GMDS: variants seen among roughly 807,000 people sequenced by gnomAD.
GMDS encodes GDP-mannose 4,6 dehydratase.
In GMDS, 20 loss-of-function variants were observed where a neutral mutation model predicts 49.9. The ratio of observed to expected loss-of-function variants is 0.40; its 90% confidence interval spans 0.28 to 0.58. The LOEUF is 0.58. Ranked by LOEUF, GMDS falls within the 20% of genes least tolerant of loss-of-function variation. GMDS has a pLI of 0.42. For synonymous variants in GMDS, 177 were observed against 178.6 expected, an observed-to-expected ratio of 0.99 and a Z score of 0.07; for missense variants, 362 against 481.4, an observed-to-expected ratio of 0.75 and a Z score of 2.32.
chr6:1,945,307 T>C (rs1757684563), intron 6 of GMDS, among the ~76,000 whole-genome samples: 1 of 152,006 alleles, frequency 6.6e-6, no homozygotes, highest in African/African-American at 2.4e-5. Flanking sequence ...TGAATGGGCA[T>C]GCAGGAGGCA....
intron 4 of GMDS, among the ~76,000 whole-genome samples, chr6:2,084,668 G>T (rs7768100): frequency 2.0e-5 from 3 of 151,706 alleles, no homozygotes; most frequent in Admixed American, 6.6e-5. Flanking sequence ...CACCACGCCC[G>T]GCTAATTTTT....
At chr6:1,673,076 C>T (rs1764479703) in intron 9 of GMDS, among the ~76,000 whole-genome samples, 1 of 152,232 alleles carries the variant, frequency 6.6e-6, no homozygotes, top group African/African-American at 2.4e-5. Flanking sequence ...GCAGGCCCAC[C>T]AGTGGCTTGA....
chr6:1,862,330 A>G (rs1012292851), intron 7 of GMDS, among the ~76,000 whole-genome samples: 1 of 152,236 alleles, frequency 6.6e-6, no homozygotes, highest in Non-Finnish European at 1.5e-5. Context: ...CTCCCTTTAC[A>G]TCAATACACC....
chr6:1,808,401 C>T (rs1446317300), intron 7 of GMDS, among the ~76,000 whole-genome samples: 1 of 152,184 alleles, frequency 6.6e-6, no homozygotes, highest in African/African-American at 2.4e-5. Context: ...TGAAGTCTTA[C>T]TTGTCCACCT....
chr6:2,147,417 A>G (rs1332512432), intron 1 of GMDS, among the ~76,000 whole-genome samples: 1 of 152,202 alleles, frequency 6.6e-6, no homozygotes, highest in Non-Finnish European at 1.5e-5. Context: ...TTGCTAGCCC[A>G]GAAGAGATGC....
intron 4 of GMDS, among the ~76,000 whole-genome samples, chr6:2,030,075 C>A (rs186048398): frequency 1.4e-5 from 2 of 147,248 alleles, no homozygotes; most frequent in Admixed American, 1.3e-4. Context: ...AGGAGGGAAG[C>A]GGGTGCCCAC....
intron 1 of GMDS, among the ~76,000 whole-genome samples, chr6:2,201,490 G>A (rs1779530672): frequency 8.2e-6 from 1 of 122,012 alleles, no homozygotes; most frequent in Non-Finnish European, 1.7e-5. Flanking sequence ...GGCAGTGAGG[G>A]CAGCATGTTA....
chr6:1,788,048 C>T (rs955524329), intron 7 of GMDS, among the ~76,000 whole-genome samples: 2 of 152,186 alleles, frequency 1.3e-5, no homozygotes, highest in African/African-American at 4.8e-5. Flanking sequence ...TGCTCTCAGT[C>T]GCCCAGATGT....
At chr6:1,930,360 A>G (rs1460318246) in intron 6 of GMDS, 130 bp from the exon 7 acceptor site, 8 of 624,582 alleles carry the variant, frequency 1.3e-5, no homozygotes, top group African/African-American at 3.7e-5. Flanking sequence ...TGTTAAAACA[A>G]TAAAAGAAAA....
In GMDS at chr6:1,820,807, T is replaced by C. The variant is rs563100226; in HGVS notation, c.772-78221A>G. Among the ~76,000 whole-genome samples the C allele has an allele frequency of 1.6e-4, 25 of 152,344 alleles. No individual in the cohort carries two copies. In the East Asian group the frequency reaches 4.2e-3, roughly 26 times the overall value. ...AAGCCTGCTGCTTTTTAAACAATGA[T>C]GCATTCCCCTAAATTCATATTTTAA... is the stretch of plus-strand genomic sequence containing the variant. On this transcript the variant is annotated intron_variant, in intron 7 of 10. Coordinates refer to ENST00000380815, the MANE Select transcript of GMDS (RefSeq NM_001500.4).
chr6:1,824,649 A>G (rs1771035409), intron 7 of GMDS, among the ~76,000 whole-genome samples: 1 of 152,088 alleles, frequency 6.6e-6, no homozygotes, highest in Middle Eastern at 3.2e-3. Flanking sequence ...ACTAACATGA[A>G]CTACTCAAGT....
At chr6:1,787,797 A>G (rs1207643883) in intron 7 of GMDS, among the ~76,000 whole-genome samples, 1 of 152,222 alleles carries the variant, frequency 6.6e-6, no homozygotes, top group Admixed American at 6.5e-5. Flanking sequence ...TTTGTTTGGA[A>G]TATTTTTTGT....
chr6:2,017,573 T>G (rs1480319652), intron 4 of GMDS, among the ~76,000 whole-genome samples: 1 of 152,180 alleles, frequency 6.6e-6, no homozygotes. Flanking sequence ...TCTCCCAAAG[T>G]GCTGGAATTA....
At chr6:1,990,536 C>T (rs1345207443) in intron 4 of GMDS, among the ~76,000 whole-genome samples, 1 of 152,170 alleles carries the variant, frequency 6.6e-6, no homozygotes, top group African/African-American at 2.4e-5. Flanking sequence ...CATAGTGGAA[C>T]ATACCCCCTG....
chr6:1,666,534 T>C (rs994667245), intron 9 of GMDS, among the ~76,000 whole-genome samples: 2 of 152,214 alleles, frequency 1.3e-5, no homozygotes, highest in Non-Finnish European at 2.9e-5. Context: ...ATACACTCAA[T>C]GATCCAAAGG....
intron 7 of GMDS, among the ~76,000 whole-genome samples, chr6:1,785,932 A>C (rs974234650): frequency 6.6e-6 from 1 of 152,240 alleles, no homozygotes; most frequent in African/African-American, 2.4e-5. Flanking sequence ...ATTCCAATGC[A>C]AGTGCTGATG....
intron 4 of GMDS, among the ~76,000 whole-genome samples, chr6:2,113,925 TA>T: frequency 6.6e-6 from 1 of 151,914 alleles, no homozygotes. Flanking sequence ...CAAAATACCA[TA>T]AAAAAAGATA....
intron 6 of GMDS, among the ~76,000 whole-genome samples, chr6:1,945,941 A>G (rs1041096205): frequency 6.6e-6 from 1 of 152,216 alleles, no homozygotes; most frequent in African/African-American, 2.4e-5. Context: ...TCTATAAACT[A>G]AACACCATGA....
chr6:1,829,914 T>C (rs1478444820), intron 7 of GMDS, among the ~76,000 whole-genome samples: 1 of 152,192 alleles, frequency 6.6e-6, no homozygotes, highest in Admixed American at 6.5e-5. Flanking sequence ...GCCTCTTGCC[T>C]CAGCCTAATT....
Sources: gnomAD v4.1 joint callset for allele counts (sites outside exome capture counted in the v4.1 genomes callset) on GRCh38, gnomAD v4.1.1 for gene constraint, MANE v1.5 for transcripts, NCBI Gene and HGNC (gene_info 2026-07-23, HGNC 2026-07-21) for gene names.